The following MYO3B variants were observed in gnomAD, a reference collection of about 807,000 sequenced individuals.
MYO3B encodes the protein myosin-IIIb.
In MYO3B, 156 loss-of-function variants were observed where a neutral mutation model predicts 174.6. That is an observed-to-expected ratio of 0.89 (90% CI 0.78 to 1.02). The LOEUF (loss-of-function observed/expected upper bound fraction) is 1.02, where lower values mean the gene tolerates loss of function less well. MYO3B is among the 50% of genes least tolerant of loss of function. The pLI is 0.00. For missense variants in MYO3B, 1,632 were observed against 1,639.4 expected, an observed-to-expected ratio of 1.00 and a Z score of 0.08; for synonymous variants, 563 against 569.1, an observed-to-expected ratio of 0.99 and a Z score of 0.15.
chr2:170,298,332 T>G (rs909268005), intron 7 of MYO3B, among the ~76,000 whole-genome samples: 1 of 152,008 alleles, frequency 6.6e-6, no homozygotes, highest in African/African-American at 2.4e-5. Flanking sequence ...GTGAGAATAA[T>G]GTGGTTTTTC....
At chr2:170,398,451 C>G (rs1168623583) in intron 16 of MYO3B, among the ~76,000 whole-genome samples, 1 of 151,926 alleles carries the variant, frequency 6.6e-6, no homozygotes, top group African/African-American at 2.4e-5. Context: ...AATCATTGAC[C>G]ATTAGTGATT....
chr2:170,234,182 A>AC (rs1486734129), intron 6 of MYO3B, among the ~76,000 whole-genome samples: 1 of 73,830 alleles, frequency 1.4e-5, no homozygotes, highest in Non-Finnish European at 2.5e-5. Context: ...AAAAAAAAAA[A>AC]AAAAACAAAA....
intron 22 of MYO3B, among the ~76,000 whole-genome samples, chr2:170,430,749 G>A (rs936569670): frequency 1.3e-5 from 2 of 152,104 alleles, no homozygotes; most frequent in African/African-American, 4.8e-5. Flanking sequence ...ATTACACCTG[G>A]ATTAAGTATC....
chr2:170,387,632 A>G (rs1340587568), intron 14 of MYO3B, among the ~76,000 whole-genome samples: 1 of 152,220 alleles, frequency 6.6e-6, no homozygotes, highest in Non-Finnish European at 1.5e-5. Flanking sequence ...TGGTTAAAAA[A>G]GAAAAAGACA....
chr2:170,472,074 A>G (rs1001192379), intron 25 of MYO3B, among the ~76,000 whole-genome samples: 1 of 149,998 alleles, frequency 6.7e-6, no homozygotes, highest in Non-Finnish European at 1.5e-5. Context: ...TCTTTTCTCT[A>G]TATCTTTTCT....
chr2:170,648,930 TATG>T (rs1405100304), intron 32 of MYO3B, among the ~76,000 whole-genome samples: 14 of 74,094 alleles, frequency 1.9e-4, no homozygotes, highest in South Asian at 5.0e-4. Context: ...ATATATAAAA[TATG>T]ATATATAATA....
chr2:170,433,769 T>C (rs2094729650), intron 22 of MYO3B, among the ~76,000 whole-genome samples: 2 of 152,250 alleles, frequency 1.3e-5, no homozygotes, highest in African/African-American at 4.8e-5. Context: ...CTATACCATC[T>C]AGGTTTTTGT....
intron 7 of MYO3B, among the ~76,000 whole-genome samples, chr2:170,332,908 A>C (rs894852750): frequency 6.6e-6 from 1 of 152,116 alleles, no homozygotes; most frequent in Non-Finnish European, 1.5e-5. Flanking sequence ...TTGCCAGGTC[A>C]CTCTCTACTT....
At chr2:170,210,815 T>C (rs2092761600) in intron 3 of MYO3B, among the ~76,000 whole-genome samples, 4 of 152,088 alleles carry the variant, frequency 2.6e-5, no homozygotes. Context: ...ATCTTCCCTT[T>C]AAAAAAAATT....
At chr2:170,194,651 TAGTC>T (rs2092578398) in intron 1 of MYO3B, among the ~76,000 whole-genome samples, 1 of 152,272 alleles carries the variant, frequency 6.6e-6, no homozygotes, top group African/African-American at 2.4e-5. Flanking sequence ...CCTATTGTAT[TAGTC>T]AGGGTTCTCT....
chr2:170,623,053 A>C (rs1239156065), intron 32 of MYO3B, among the ~76,000 whole-genome samples: 1 of 152,172 alleles, frequency 6.6e-6, no homozygotes, highest in Non-Finnish European at 1.5e-5. Flanking sequence ...GTGTCTTTAT[A>C]GCAGTATGAT....
intron 25 of MYO3B, among the ~76,000 whole-genome samples, chr2:170,493,333 CTTGTT>C (rs1330469117): frequency 6.6e-6 from 1 of 152,042 alleles, no homozygotes; most frequent in East Asian, 1.9e-4. Context: ...TTTACTCTTT[CTTGTT>C]TTTTTTCCCC....
At chr2:170,418,433 G>C (rs1328827172) in intron 22 of MYO3B, among the ~76,000 whole-genome samples, 2 of 152,190 alleles carry the variant, frequency 1.3e-5, no homozygotes, top group Admixed American at 6.5e-5. Context: ...ATTTTAAGCT[G>C]GAATCTGGAG....
intron 17 of MYO3B, among the ~76,000 whole-genome samples, chr2:170,400,829 G>GGTTTTTTTTTTTTTTTTTTTT (rs60401794): frequency 6.6e-6 from 1 of 150,894 alleles, no homozygotes; most frequent in African/African-American, 2.4e-5. Flanking sequence ...TTTGAGCAGT[G>GGTTTTTTTTTTTTTTTTTTTT]TTTTTTTCTT....
In MYO3B at chr2:170,609,125, G is replaced by A. The variant is rs959278602; in HGVS notation, c.3734-42503G>A. Among the ~76,000 whole-genome samples the A allele has an allele frequency of 4.6e-5, 7 of 152,096 alleles. 1 individual carries two copies. The highest frequency in any genetic ancestry group is 8.8e-5 in the Non-Finnish European group (6 of 68,024). On this transcript the variant is annotated intron_variant, in intron 32 of 34. Coordinates refer to ENST00000408978, the MANE Select transcript of MYO3B (RefSeq NM_138995.5). ...TTTCATGTTTCTTCTGATGTAGGTG[G>A]GAAATCACCCACGTGCTTGCTGATT...
Position 170,501,762 on chromosome 2 carries a change from AGCACATGG to A in MYO3B, c.3290-22_3290-15del, listed in dbSNP as rs760136340. The A allele has an allele frequency of 1.3e-6, 2 of 1,525,876 alleles. No homozygotes were observed. Among genetic ancestry groups the A allele is most frequent in the Non-Finnish European group, 1.8e-6 (2 of 1,102,036 alleles). The allele number at this position is 1,525,876 out of a possible 1,614,324, so 94.5% of individuals were successfully genotyped here. A position where few individuals can be genotyped will look rare whatever the true frequency, so the allele number is the denominator to read the frequency against. Reference sequence around the variant, plus strand: ...ACGTTCTTAAATTAATGTCATTCCTAGCACATGGTTTTATATTTTTAGCCTGGAGAGGA... The same window carrying A: ...ACGTTCTTAAATTAATGTCATTCCTATTTTATATTTTTAGCCTGGAGAGGA... On this transcript the variant is annotated splice_polypyrimidine_tract_variant and intron_variant, in intron 27 of 34. Coordinates refer to ENST00000408978, the MANE Select transcript of MYO3B (RefSeq NM_138995.5).
chr2:170,511,533 A>T (rs1687991781), intron 28 of MYO3B, among the ~76,000 whole-genome samples: 1 of 152,198 alleles, frequency 6.6e-6, no homozygotes, highest in South Asian at 2.1e-4. Context: ...TTTATAGTCT[A>T]TTCAAAGCAC....
At chr2:170,420,564 C>T (rs2094608140) in intron 22 of MYO3B, among the ~76,000 whole-genome samples, 1 of 152,114 alleles carries the variant, frequency 6.6e-6, no homozygotes, top group Admixed American at 6.5e-5. Context: ...AGGGAAAGGG[C>T]AATGATACAG....
intron 27 of MYO3B, among the ~76,000 whole-genome samples, chr2:170,500,784 A>G (rs1441255264): frequency 1.3e-5 from 2 of 152,220 alleles, no homozygotes; most frequent in Non-Finnish European, 2.9e-5. Context: ...AGAGTTACTA[A>G]CGCCATTTCC....
Sources: allele counts gnomAD v4.1 joint callset (sites outside exome capture counted in the v4.1 genomes callset), GRCh38; gene constraint gnomAD v4.1.1; transcripts MANE v1.5; gene names NCBI Gene and HGNC (gene_info 2026-07-23, HGNC 2026-07-21).